The following BMPR1A variants were observed in gnomAD, a reference collection of about 807,000 sequenced individuals.
BMPR1A encodes bone morphogenetic protein receptor type 1A.
BMPR1A carries 7 observed loss-of-function variants against 66.0 expected under a neutral mutation model. The observed-to-expected ratio is 0.11, with a 90% CI of 0.06 to 0.20. The LOEUF (loss-of-function observed/expected upper bound fraction) is 0.20, where lower values mean the gene tolerates loss of function less well. Among genes scored for constraint, BMPR1A ranks in the 10% least tolerant of loss-of-function variants. The pLI, the probability that BMPR1A is intolerant of heterozygous loss-of-function variation, is 1.00. For missense variants in BMPR1A, 408 were observed against 669.1 expected (o/e 0.61, Z 4.31); for synonymous variants, 200 against 229.7 (o/e 0.87, Z 1.17).
intron 2 of BMPR1A, among the ~76,000 whole-genome samples, chr10:86,863,461 T>C (rs1372478011): frequency 6.6e-6 from 1 of 152,218 alleles, no homozygotes; most frequent in Non-Finnish European, 1.5e-5. Context: ...AGCTAGAATA[T>C]TTTTGGTTGT....
intron 9 of BMPR1A, among the ~76,000 whole-genome samples, chr10:86,917,897 G>A (rs1323069976): frequency 6.6e-6 from 1 of 152,190 alleles, no homozygotes; most frequent in African/African-American, 2.4e-5. Context: ...TCCTAGGGCT[G>A]CTGTATCAAT....
intron 2 of BMPR1A, among the ~76,000 whole-genome samples, chr10:86,866,296 A>T (rs537894171): frequency 2.9e-5 from 4 of 138,568 alleles, no homozygotes; most frequent in South Asian, 4.6e-4. Flanking sequence ...TAATCTCATT[A>T]CTTTCCTGCC....
chr10:86,795,208 A>G (rs1338104622), intron 1 of BMPR1A, among the ~76,000 whole-genome samples: 1 of 151,580 alleles, frequency 6.6e-6, no homozygotes, highest in Non-Finnish European at 1.5e-5. Flanking sequence ...TTGGAGCTAT[A>G]CTATATGTGT....
chr10:86,840,171 AATAG>A (rs778886710), intron 2 of BMPR1A, among the ~76,000 whole-genome samples: 16 of 152,266 alleles, frequency 1.1e-4, no homozygotes, highest in Non-Finnish European at 1.8e-4. Context: ...CATTTTAAGA[AATAG>A]ATAGAATGTA....
chr10:86,862,962 A>G (rs1019611156), intron 2 of BMPR1A, among the ~76,000 whole-genome samples: 1 of 148,256 alleles, frequency 6.7e-6, no homozygotes, highest in African/African-American at 2.6e-5. Context: ...GTCAATATTT[A>G]TACTATTTGA....
chr10:86,923,519 CAGTCCCCTG>C lies in BMPR1A; in HGVS notation c.1473+15_1473+23del. On this transcript the variant is annotated intron_variant, in intron 12 of 12. Transcript: ENST00000372037. ...GAACAGTGATGAAGTGAGTGGAACT[CAGTCCCCTG>C]AAGAAGTGATTCGTAAATGCCACCA... The C allele has an allele frequency of 1.9e-6, 3 of 1,614,222 alleles. No individual in the cohort carries two copies. Among genetic ancestry groups the C allele is most frequent in the Non-Finnish European group, 2.5e-6 (3 of 1,180,030 alleles).
At chr10:86,767,127 A>C (rs1283812448) in intron 1 of BMPR1A, among the ~76,000 whole-genome samples, 3 of 152,130 alleles carry the variant, frequency 2.0e-5, no homozygotes, top group Non-Finnish European at 4.4e-5. Context: ...CGGCCATATC[A>C]GTCTGTTTTT....
In BMPR1A at chr10:86,891,993, C is replaced by T. The variant is rs78693667; in HGVS notation, c.231-134C>T. ...AACCTCTGGCGTTGCCAATAAATCA[C>T]GTGTGAATGCAATTCTAAGTCACAA... On this transcript the variant is annotated intron_variant, in intron 4 of 12. Coordinates refer to ENST00000372037, the MANE Select transcript of BMPR1A (RefSeq NM_004329.3). 1,915 of 709,008 alleles carry T rather than the reference C, an allele frequency of 2.7e-3. 47 individuals are homozygous for T. The East Asian group carries it at 0.043, about 16-fold the overall frequency. The allele number at this position is 709,008 out of a possible 1,614,324, so 43.9% of individuals were successfully genotyped here.
chr10:86,847,673 C>T (rs1188610784), intron 2 of BMPR1A, among the ~76,000 whole-genome samples: 1 of 151,894 alleles, frequency 6.6e-6, no homozygotes, highest in East Asian at 1.9e-4. Flanking sequence ...TTTAAAAATA[C>T]ACACACACGT....
chr10:86,808,594 A>G (rs1841924103), intron 1 of BMPR1A, among the ~76,000 whole-genome samples: 1 of 152,194 alleles, frequency 6.6e-6, no homozygotes, highest in African/African-American at 2.4e-5. Context: ...TTGACAAACC[A>G]CTTGTCCTGT....
chr10:86,912,141 T>G (rs1185179808), intron 7 of BMPR1A, 99 bp from the exon 8 acceptor site: 1 of 1,319,880 alleles, frequency 7.6e-7, no homozygotes, highest in African/African-American at 1.5e-5. Context: ...ATAGGATTCT[T>G]TCTGAGGGAA....
Position 86,925,656 on chromosome 10 carries a change from C to T in BMPR1A, c.*1937C>T, listed in dbSNP as rs1206778281. The T allele has an allele frequency of 5.2e-6, 1 of 191,828 alleles. No homozygotes were observed. The highest frequency in any genetic ancestry group is 1.1e-5 in the Non-Finnish European group (1 of 92,162). The allele number at this position is 191,828 out of a possible 1,614,324, so 11.9% of individuals were successfully genotyped here. ...GTATGATATGATTGCACTTAGAACA[C>T]CCAATTTACTTAAATCTTGGTTTAC... On this transcript the variant is annotated 3_prime_UTR_variant, in exon 13 of 13. Coordinates refer to ENST00000372037, the MANE Select transcript of BMPR1A (RefSeq NM_004329.3).
chr10:86,910,318 A>G (rs1187472643), intron 7 of BMPR1A, among the ~76,000 whole-genome samples: 1 of 152,198 alleles, frequency 6.6e-6, no homozygotes, highest in East Asian at 1.9e-4. Context: ...AGCCTGGAGG[A>G]CAGAGTAAGA....
chr10:86,769,606 T>TG (rs1393814381), intron 1 of BMPR1A, among the ~76,000 whole-genome samples: 1 of 152,158 alleles, frequency 6.6e-6, no homozygotes, highest in African/African-American at 2.4e-5. Flanking sequence ...GGTCACAAGT[T>TG]GGGGGGAGAA....
intron 1 of BMPR1A, among the ~76,000 whole-genome samples, chr10:86,832,194 G>A (rs1321771256): frequency 6.6e-6 from 1 of 152,074 alleles, no homozygotes; most frequent in Non-Finnish European, 1.5e-5. Context: ...AAGGCCGGGC[G>A]CGGTGGCTCA....
intron 1 of BMPR1A, among the ~76,000 whole-genome samples, chr10:86,826,092 C>T (rs1272978325): frequency 6.6e-6 from 1 of 152,002 alleles, no homozygotes; most frequent in Admixed American, 6.6e-5. Flanking sequence ...TTTATAAAGA[C>T]ATATATACTT....
chr10:86,814,050 A>T (rs1350865876), intron 1 of BMPR1A, among the ~76,000 whole-genome samples: 2 of 151,910 alleles, frequency 1.3e-5, no homozygotes, highest in Admixed American at 6.6e-5. Context: ...AAATTACTTG[A>T]TGTTTTTGCC....
At chr10:86,777,970 G>C (rs1358192918) in intron 1 of BMPR1A, among the ~76,000 whole-genome samples, 2 of 150,414 alleles carry the variant, frequency 1.3e-5, no homozygotes, top group African/African-American at 4.9e-5. Flanking sequence ...TCAAGATGGT[G>C]CCATTGCACT....
intron 2 of BMPR1A, among the ~76,000 whole-genome samples, chr10:86,864,303 A>G (rs1842750891): frequency 6.6e-6 from 1 of 152,186 alleles, no homozygotes; most frequent in African/African-American, 2.4e-5. Flanking sequence ...ACGACAAAAA[A>G]AAGTTATTCC....
Sources: gnomAD v4.1 joint callset for allele counts (sites outside exome capture counted in the v4.1 genomes callset) on GRCh38, gnomAD v4.1.1 for gene constraint, MANE v1.5 for transcripts, NCBI Gene and HGNC (gene_info 2026-07-23, HGNC 2026-07-21) for gene names.